Variants in PIEZO2 observed in about 807,000 individuals in gnomAD.
The protein encoded by PIEZO2 is piezo-type mechanosensitive ion channel component 2.
PIEZO2 carries 172 observed loss-of-function variants against 337.3 expected under a neutral mutation model. The ratio of observed to expected loss-of-function variants is 0.51; its 90% CI spans 0.45 to 0.58. The LOEUF is 0.58. PIEZO2 is among the 20% of genes least tolerant of loss of function. The pLI, the probability that PIEZO2 is intolerant of heterozygous loss-of-function variation, is 0.00. For missense variants in PIEZO2, 3,028 were observed against 3,391.3 expected (o/e 0.89, Z 2.66); for synonymous variants, 1,251 against 1,228.5 (o/e 1.02, Z -0.38).
In PIEZO2 at chr18:10,830,521, C is replaced by A. The variant is rs371113764; in HGVS notation, c.918-23247G>T. Among the ~76,000 whole-genome samples the A allele has an allele frequency of 6.6e-6, 1 of 151,864 alleles. No individual in the cohort carries two copies. On this transcript the variant is annotated intron_variant, in intron 7 of 55. Coordinates refer to ENST00000674853, the MANE Select transcript of PIEZO2 (RefSeq NM_001378183.1). This position sits in a 1 kb window ranked among gnomAD's most constrained non-coding sequence, Gnocchi z 4.7. Reference sequence around the variant, plus strand: ...ACCTCTATTTCTCTCCATTTACAAACATCAAATCAAAATGGATTAAAGACT... The same window carrying A: ...ACCTCTATTTCTCTCCATTTACAAAAATCAAATCAAAATGGATTAAAGACT...
At chr18:10,681,409 A>G (rs1303412434) in intron 51 of PIEZO2, among the ~76,000 whole-genome samples, 1 of 152,258 alleles carries the variant, frequency 6.6e-6, no homozygotes, top group African/African-American at 2.4e-5. Flanking sequence ...ATATACCACA[A>G]TTTAAAAAGT....
chr18:10,880,284 C>T (rs1415115727), intron 4 of PIEZO2, among the ~76,000 whole-genome samples: 1 of 152,184 alleles, frequency 6.6e-6, no homozygotes, highest in African/African-American at 2.4e-5. Context: ...TGCCATTCTC[C>T]TGTCAAAGAC....
At chr18:11,089,501 G>A (rs571308848) in intron 1 of PIEZO2, among the ~76,000 whole-genome samples, 1 of 152,228 alleles carries the variant, frequency 6.6e-6, no homozygotes, top group East Asian at 1.9e-4. Flanking sequence ...TAAGAGATAA[G>A]CTTGTATAAC....
chr18:11,144,318 A>T (rs2040752090), intron 1 of PIEZO2, among the ~76,000 whole-genome samples: 1 of 152,206 alleles, frequency 6.6e-6, no homozygotes, highest in Middle Eastern at 3.2e-3. Flanking sequence ...GAACTTGATA[A>T]ATAGTATCTA....
At chr18:10,694,699 G>A (rs2035005828) in intron 47 of PIEZO2, among the ~76,000 whole-genome samples, 1 of 152,168 alleles carries the variant, frequency 6.6e-6, no homozygotes, top group African/African-American at 2.4e-5. Context: ...GTCAGGAGCG[G>A]TGATGTGCAC....
chr18:10,914,183 T>C (rs994033332), intron 3 of PIEZO2, among the ~76,000 whole-genome samples: 1 of 152,102 alleles, frequency 6.6e-6, no homozygotes, highest in Admixed American at 6.5e-5. Context: ...ACGGGGAAAG[T>C]AGAGAAAACA....
At position 10,761,008 on chromosome 18, in the gene PIEZO2, G is replaced by A. The variant is rs1345243315; in HGVS notation, c.3353C>T (p.Thr1118Ile). Residue 1118 changes from threonine (T) to isoleucine (I), a missense_variant, in exon 24 of 56, where the codon ACT becomes ATT. This residue lies in a region of PIEZO2 where 1,925 missense variants were observed against 2,051.9 expected (regional missense o/e 0.94). Coordinates refer to ENST00000674853, the MANE Select transcript of PIEZO2 (RefSeq NM_001378183.1). The part of the protein sequence containing the change: ...RNNLTAPVSR[T>I]IFHDITRLHL... The stretch of plus-strand genomic sequence containing the variant: ...TAGTCTTGTAATGTCATGAAAGATA[G>A]TTCTAGACACAGGGGCCGTCAGGTT... 5.9e-6 allele frequency: 9 copies of A among 1,535,026 alleles called. No homozygotes were observed. Among genetic ancestry groups the A allele is most frequent in the Non-Finnish European group, 7.0e-6 (8 of 1,144,854 alleles).
In PIEZO2 at chr18:11,009,374, G is replaced by A. The variant is rs918999782; in HGVS notation, c.161-29714C>T. 3.3e-5 allele frequency among the ~76,000 whole-genome samples: 5 copies of A among 152,128 alleles called. No individual in the cohort carries two copies. The highest frequency in any genetic ancestry group is 1.9e-4 in the East Asian group (1 of 5,184). On this transcript the variant is annotated intron_variant, in intron 2 of 55. Transcript: ENST00000674853. The surrounding 1 kb of genome is among the most constrained non-coding windows in gnomAD (Gnocchi z 4.6). ...GACCTCATTTTTCTGGGGTGGGGGC[G>A]AGATCATGGGTACACTGTAAAAGCT...
intron 1 of PIEZO2, among the ~76,000 whole-genome samples, chr18:11,095,696 GT>G (rs150950796): frequency 3.3e-5 from 5 of 152,308 alleles, no homozygotes; most frequent in African/African-American, 1.2e-4. Context: ...GTTTATAAAA[GT>G]TAATAACCTC....
intron 1 of PIEZO2, among the ~76,000 whole-genome samples, chr18:11,141,994 T>C (rs35391114): frequency 0.24 from 36,233 of 152,122 alleles, 5,207 homozygotes; most frequent in Middle Eastern, 0.38. Flanking sequence ...CAAGTTCATA[T>C]ACAAAAGGAG....
rs1454377682 is a variant in PIEZO2, at chr18:10,720,407, GTGTATGTGTATGTATATATATATATA to G, written c.5030-2174_5030-2149del. On this transcript the variant is annotated intron_variant, in intron 36 of 55. Transcript: ENST00000674853. ...TGTGTGTGTGTGTGTGTGTGTGTAT[GTGTATGTGTATGTATATATATATATA>G]TATATATATATATATATATATATAT... Among the ~76,000 whole-genome samples, 72 of 11,908 alleles carry G rather than the reference GTGTATGTGTATGTATATATATATATA, an allele frequency of 6.0e-3. 3 individuals carry two copies. Among genetic ancestry groups the G allele is most frequent in the South Asian group, 0.03 (10 of 334 alleles). The allele number at this position is 11,908 out of a possible 152,430, so 7.8% of individuals were successfully genotyped here. A position where few individuals can be genotyped will look rare whatever the true frequency, so the allele number is the denominator to read the frequency against.
chr18:10,738,499 C>A (rs1568003346), intron 33 of PIEZO2: 3 of 152,056 alleles, frequency 2.0e-5, no homozygotes, highest in Non-Finnish European at 2.9e-5. Flanking sequence ...GTAAAAAAGT[C>A]TCTTATTTCC....
intron 2 of PIEZO2, among the ~76,000 whole-genome samples, chr18:11,064,074 A>C (rs2038065643): frequency 6.6e-6 from 1 of 152,222 alleles, no homozygotes; most frequent in Admixed American, 6.5e-5. Context: ...TATTGTTTTA[A>C]GAAACTTCGG....
chr18:10,757,770 T>C (rs1009341946), intron 27 of PIEZO2, among the ~76,000 whole-genome samples, 199 bp downstream of exon 27: 4 of 152,016 alleles, frequency 2.6e-5, no homozygotes, highest in African/African-American at 7.3e-5. Context: ...GCGGTTTACA[T>C]TGACAAAAGC....
At chr18:10,925,740 C>T (rs771735766) in intron 3 of PIEZO2, among the ~76,000 whole-genome samples, 4 of 152,050 alleles carry the variant, frequency 2.6e-5, no homozygotes, top group Admixed American at 6.5e-5. Context: ...CCCTAATCTT[C>T]GGTATTTTTA....
At chr18:11,056,759 C>A (rs543721802) in intron 2 of PIEZO2, among the ~76,000 whole-genome samples, 5 of 152,160 alleles carry the variant, frequency 3.3e-5, no homozygotes, top group African/African-American at 7.2e-5. Flanking sequence ...AACCAGGCCT[C>A]GCCTGGGCCT....
chr18:10,779,665 G>A (rs2038910305), intron 18 of PIEZO2, among the ~76,000 whole-genome samples: 1 of 152,160 alleles, frequency 6.6e-6, no homozygotes, highest in Admixed American at 6.5e-5. Flanking sequence ...TGAAGAAAGT[G>A]ATGTTTTTAA....
chr18:10,867,314 C>A (rs1054133983), intron 5 of PIEZO2, among the ~76,000 whole-genome samples: 4 of 152,128 alleles, frequency 2.6e-5, no homozygotes, highest in African/African-American at 9.7e-5. Context: ...TTAAAAAAAA[C>A]AGCAACTTGA....
In PIEZO2 at chr18:10,775,559, T is replaced by C. The variant is rs972655437; in HGVS notation, c.2535-1521A>G. 6.6e-6 allele frequency among the ~76,000 whole-genome samples: 1 copy of C among 152,176 alleles called. No individual in the cohort carries two copies. The highest frequency in any genetic ancestry group is 1.5e-5 in the Non-Finnish European group (1 of 68,030). ...GACAAGAAAACTACTTTCTAACAAT[T>C]ACTGCTATTAACAGAGTGAAACTCA... is the stretch of plus-strand genomic sequence containing the variant. On this transcript the variant is annotated intron_variant, in intron 18 of 55. Coordinates refer to ENST00000674853, the MANE Select transcript of PIEZO2 (RefSeq NM_001378183.1). The surrounding 1 kb of genome is among the most constrained non-coding windows in gnomAD (Gnocchi z 4.3).
Sources: allele counts gnomAD v4.1 joint callset (sites outside exome capture counted in the v4.1 genomes callset), GRCh38; gene constraint gnomAD v4.1.1; regional missense constraint gnomAD v4.1.1; non-coding constraint Gnocchi (gnomAD v3.1); transcripts MANE v1.5; gene names NCBI Gene and HGNC (gene_info 2026-07-23, HGNC 2026-07-21).